IRAG2: variants seen among roughly 807,000 people sequenced by gnomAD.
IRAG2 encodes inositol 1,4,5-triphosphate receptor associated 2.
A neutral mutation model predicts 69.9 loss-of-function variants in IRAG2; 45 were observed. The observed-to-expected ratio is 0.64, with a 90% confidence interval of 0.51 to 0.83. The LOEUF (loss-of-function observed/expected upper bound fraction) is 0.83, where lower values mean the gene tolerates loss of function less well. Ranked by LOEUF, IRAG2 falls within the 40% of genes least tolerant of loss-of-function variation. The pLI is 0.00. For missense variants in IRAG2, 520 were observed against 587.0 expected, an observed-to-expected ratio of 0.89 and a Z score of 1.18; for synonymous variants, 193 against 202.4, an observed-to-expected ratio of 0.95 and a Z score of 0.40.
intron 9 of IRAG2, among the ~76,000 whole-genome samples, chr12:25,083,203 C>T (rs777032492): frequency 1.3e-5 from 2 of 152,166 alleles, no homozygotes; most frequent in African/African-American, 2.4e-5. Flanking sequence ...GCCATTTGTA[C>T]AGATGTTCAC....
At chr12:25,021,091 C>CTTTTTTTTTTTTTTCTTTTTT (rs71063389) in intron 7 of IRAG2, 35 of 265,976 alleles carry the variant, frequency 1.3e-4, no homozygotes, top group Admixed American at 2.4e-4. Context: ...TCTTTCTTTT[C>CTTTTTTTTTTTTTTCTTTTTT]TTTTTTTTTT....
At chr12:25,082,985 A>C (rs1392056378) in intron 9 of IRAG2, among the ~76,000 whole-genome samples, 2 of 152,220 alleles carry the variant, frequency 1.3e-5, no homozygotes, top group Non-Finnish European at 2.9e-5. Context: ...TTAGAAAGCT[A>C]CCATGTTTTA....
chr12:25,070,545 A>G (rs1946274280), intron 6 of IRAG2, among the ~76,000 whole-genome samples: 1 of 152,110 alleles, frequency 6.6e-6, no homozygotes, highest in Admixed American at 6.5e-5. Flanking sequence ...TCATCAGCTG[A>G]TGGGCATTTG....
At chr12:25,057,710 A>T (rs532550975) in intron 1 of IRAG2, among the ~76,000 whole-genome samples, 1 of 152,320 alleles carries the variant, frequency 6.6e-6, no homozygotes, top group African/African-American at 2.4e-5. Context: ...CCAGGTAGAT[A>T]AATACACATC....
intron 14 of IRAG2, among the ~76,000 whole-genome samples, chr12:25,092,430 T>A (rs1948127426): frequency 1.3e-5 from 2 of 150,070 alleles, no homozygotes; most frequent in African/African-American, 4.9e-5. Context: ...CTGGGCATAG[T>A]GGGACACACC....
At chr12:25,065,999 G>A (rs1466321459) in intron 4 of IRAG2, among the ~76,000 whole-genome samples, 2 of 152,092 alleles carry the variant, frequency 1.3e-5, no homozygotes, top group Non-Finnish European at 1.5e-5. Flanking sequence ...ACAGGCAGCT[G>A]GCTGGATTTT....
intron 6 of IRAG2, among the ~76,000 whole-genome samples, chr12:25,070,559 T>G (rs1206991330): frequency 6.6e-6 from 1 of 152,250 alleles, no homozygotes; most frequent in Non-Finnish European, 1.5e-5. Context: ...GCATTTGAGT[T>G]GTTTTTACTT....
chr12:25,061,652 A>AG lies in IRAG2; in HGVS notation c.-385+1dup. The AG allele has an allele frequency of 2.5e-6, 1 of 398,614 alleles. No individual in the cohort carries two copies. The highest frequency in any genetic ancestry group is 4.4e-6 in the Non-Finnish European group (1 of 226,040). 24.7% of individuals were successfully genotyped at this position (398,614 alleles called of 1,614,324 possible). On this transcript the variant is annotated splice_region_variant and 5_prime_UTR_variant, in exon 2 of 22. An upstream open reading frame in the 5' UTR loses its in-frame stop. Transcript: ENST00000556887. ...GGGGAACACCATGGCTTGCTGTTTC[A>AG]GGTAAAATATCTCTGATATGTGTTC...
chr12:25,006,739 TG>T (rs1944436007), intron 2 of IRAG2, among the ~76,000 whole-genome samples: 1 of 152,166 alleles, frequency 6.6e-6, no homozygotes, highest in Admixed American at 6.6e-5. Context: ...AGGCATGGGC[TG>T]AAAAACTACC....
At chr12:25,088,350 G>A (rs1462057040) in intron 11 of IRAG2, among the ~76,000 whole-genome samples, 193 bp downstream of exon 11, 7 of 152,312 alleles carry the variant, frequency 4.6e-5, no homozygotes, top group South Asian at 2.1e-4. Context: ...TTGACTGTGC[G>A]ATCCCAGAAA....
At chr12:25,094,925 C>G (rs11832456) in intron 14 of IRAG2, among the ~76,000 whole-genome samples, 69,747 of 151,932 alleles carry the variant, frequency 0.46, 17,795 homozygotes, top group East Asian at 0.8. Flanking sequence ...ATTTTGTACC[C>G]TACAATTTTG....
Position 25,056,848 on chromosome 12 carries a change from G to A in IRAG2, c.-447+3892G>A, listed in dbSNP as rs193101314. On this transcript the variant is annotated intron_variant, in intron 1 of 21. Coordinates refer to ENST00000556887, the MANE Select transcript of IRAG2 (RefSeq NM_001366544.2). ...TGAACAGGCAACAGGAACCCTTTCA[G>A]CTTTATTTTGAGAAAATTAAAATAA... 7.9e-5 allele frequency among the ~76,000 whole-genome samples: 12 copies of A among 152,298 alleles called. No homozygotes were observed. The East Asian group carries it at 2.1e-3, about 27-fold the overall frequency.
chr12:25,003,274 C>T (rs1479926736), upstream of IRAG2, among the ~76,000 whole-genome samples: 1 of 152,204 alleles, frequency 6.6e-6, no homozygotes, highest in Non-Finnish European at 1.5e-5. Flanking sequence ...AATTCCATAA[C>T]TATTCAACTA....
At chr12:25,079,836 C>T (rs537604956) in intron 9 of IRAG2, 73 bp downstream of exon 9, 5 of 828,932 alleles carry the variant, frequency 6.0e-6, no homozygotes, top group African/African-American at 5.1e-5. Flanking sequence ...AGTGAAGTAA[C>T]TATCCACACT....
chr12:25,025,477 C>T (rs1450559301), intron 8 of IRAG2, among the ~76,000 whole-genome samples: 5 of 152,128 alleles, frequency 3.3e-5, no homozygotes, highest in African/African-American at 7.2e-5. Flanking sequence ...GGCTTACACA[C>T]GCATCCTAAG....
chr12:25,013,848 AT>A (rs1435155491), intron 3 of IRAG2, among the ~76,000 whole-genome samples: 1 of 135,270 alleles, frequency 7.4e-6, no homozygotes, highest in Non-Finnish European at 1.6e-5. Context: ...AATGGTTTTA[AT>A]TTTTTGTTTT....
chr12:25,063,223 C>T (rs1293194561), intron 3 of IRAG2, among the ~76,000 whole-genome samples: 2 of 152,134 alleles, frequency 1.3e-5, no homozygotes, highest in Non-Finnish European at 2.9e-5. Context: ...CCACCACGCC[C>T]GGCTAATTTT....
chr12:25,022,366 C>T (rs1944588467), intron 7 of IRAG2, among the ~76,000 whole-genome samples: 1 of 152,042 alleles, frequency 6.6e-6, no homozygotes, highest in Admixed American at 6.6e-5. Flanking sequence ...TGGTGACACA[C>T]ACTTGTAATC....
intron 6 of IRAG2, among the ~76,000 whole-genome samples, chr12:25,072,122 T>C (rs951977687): frequency 4.6e-5 from 7 of 152,056 alleles, no homozygotes; most frequent in African/African-American, 1.7e-4. Flanking sequence ...GGAGAATCAC[T>C]TGAATCCGGA....
Sources: gnomAD v4.1 joint callset for allele counts (sites outside exome capture counted in the v4.1 genomes callset) on GRCh38, gnomAD v4.1.1 for gene constraint, MANE v1.5 for transcripts, NCBI Gene and HGNC (gene_info 2026-07-23, HGNC 2026-07-21) for gene names.